The following TENM3 variants were observed in gnomAD, a reference collection of about 807,000 sequenced individuals.
The protein encoded by TENM3 is teneurin transmembrane protein 3, also known as teneurin-3.
A neutral mutation model predicts 255.1 loss-of-function variants in TENM3; 63 were observed. The ratio of observed to expected loss-of-function variants is 0.25; its 90% confidence interval spans 0.20 to 0.30. The LOEUF is 0.30. TENM3 is among the 10% of genes least tolerant of loss of function. The pLI is 1.00. For missense variants in TENM3, 2,929 were observed against 3,461.1 expected (o/e 0.85, Z 3.86); for synonymous variants, 1,306 against 1,322.3 (o/e 0.99, Z 0.27).
chr4:182,471,775 A>G (rs1009917216), intron 3 of TENM3, among the ~76,000 whole-genome samples: 1 of 152,182 alleles, frequency 6.6e-6, no homozygotes, highest in African/African-American at 2.4e-5. Context: ...TTTAAGCACT[A>G]TTCCTTAGGA....
the TENM3 span, among the ~76,000 whole-genome samples, chr4:182,075,366 T>C: frequency 1.3e-5 from 2 of 151,880 alleles, no homozygotes; most frequent in Admixed American, 6.6e-5. Flanking sequence ...ACCCTGCTAA[T>C]TTTTTGTATT....
the TENM3 span, among the ~76,000 whole-genome samples, chr4:181,616,281 CAAAAAAAAAAA>C: frequency 1.2e-5 from 1 of 84,062 alleles, no homozygotes. Context: ...TAAAGGTTTC[CAAAAAAAAAAA>C]AAAAAAAAAG....
At chr4:182,672,908 T>C in intron 6 of TENM3, 97 bp from the exon 7 acceptor site, 1 of 884,166 alleles carries the variant, frequency 1.1e-6, no homozygotes, top group East Asian at 2.7e-5. Context: ...GGCTTGAGCA[T>C]TTGGTAAAAA....
the TENM3 span, among the ~76,000 whole-genome samples, chr4:181,809,656 T>A: frequency 1.1e-3 from 164 of 152,340 alleles, no homozygotes; most frequent in Non-Finnish European, 1.9e-3. Context: ...GTCTGCGTCC[T>A]AATCCCCAGA....
chr4:181,850,537 A>G, the TENM3 span, among the ~76,000 whole-genome samples: 1 of 152,264 alleles, frequency 6.6e-6, no homozygotes, highest in South Asian at 2.1e-4. Flanking sequence ...GTACAGTAGT[A>G]CTTGTTATAT....
In TENM3 at chr4:182,743,263, T is replaced by C; in HGVS notation, c.3473T>C (p.Ile1158Thr). 6.2e-7 allele frequency: 1 copy of C among 1,614,032 alleles called. No homozygotes were observed. The highest frequency in any genetic ancestry group is 2.2e-5 in the East Asian group (1 of 44,884). The change falls in exon 19 of 28, where the codon ATT becomes ACT. Residue 1158 changes from isoleucine to threonine, a missense_variant. This residue lies in a region of TENM3 where 1,608 missense variants were observed against 1,884.4 expected (regional missense o/e 0.85). Transcript: ENST00000511685. Reference protein sequence around the residue: ...SIMGNGRRRSISCPSCNGQAD... With the variant: ...SIMGNGRRRSTSCPSCNGQAD... ...ATGGGCAATGGGCGAAGGCGCAGCA[T>C]TTCCTGCCCCAGTTGCAATGGTCAA...
the TENM3 span, among the ~76,000 whole-genome samples, chr4:181,690,515 T>G: frequency 1.3e-5 from 2 of 152,192 alleles, no homozygotes; most frequent in African/African-American, 2.4e-5. Context: ...ATAATTGTCT[T>G]TTCTGAGCAC....
At chr4:181,506,522 G>A in the TENM3 span, among the ~76,000 whole-genome samples, 1 of 152,084 alleles carries the variant, frequency 6.6e-6, no homozygotes, top group Admixed American at 6.5e-5. Flanking sequence ...TATTCATCAT[G>A]GAGAAGTCAA....
chr4:181,520,775 A>C, the TENM3 span, among the ~76,000 whole-genome samples: 1 of 152,214 alleles, frequency 6.6e-6, no homozygotes, highest in Non-Finnish European at 1.5e-5. Context: ...CACCAAATGC[A>C]GGCTTTGGTG....
chr4:182,455,986 G>A (rs1262514329), intron 3 of TENM3, among the ~76,000 whole-genome samples: 2 of 152,152 alleles, frequency 1.3e-5, no homozygotes, highest in Non-Finnish European at 2.9e-5. Flanking sequence ...CCCCACTAGG[G>A]GGACAGGTTC....
the TENM3 span, among the ~76,000 whole-genome samples, chr4:181,992,852 C>T: frequency 6.6e-6 from 1 of 152,020 alleles, no homozygotes; most frequent in Non-Finnish European, 1.5e-5. Flanking sequence ...TGCCTTTATA[C>T]CCAGAACTTC....
At chr4:182,544,959 G>A (rs1741285251) in intron 3 of TENM3, among the ~76,000 whole-genome samples, 3 of 152,116 alleles carry the variant, frequency 2.0e-5, no homozygotes, top group Admixed American at 1.3e-4. Context: ...ATCAATCAGC[G>A]CATCAAAATC....
chr4:181,968,457 A>G, the TENM3 span, among the ~76,000 whole-genome samples: 1 of 152,140 alleles, frequency 6.6e-6, no homozygotes, highest in Non-Finnish European at 1.5e-5. Flanking sequence ...CTTAATCCAC[A>G]ACTGCTCTGC....
At chr4:182,056,675 T>A in the TENM3 span, among the ~76,000 whole-genome samples, 1 of 152,196 alleles carries the variant, frequency 6.6e-6, no homozygotes, top group African/African-American at 2.4e-5. Flanking sequence ...CATGCCATGT[T>A]CTCTGAAAAC....
At chr4:181,850,548 C>A in the TENM3 span, among the ~76,000 whole-genome samples, 1 of 151,980 alleles carries the variant, frequency 6.6e-6, no homozygotes, top group African/African-American at 2.4e-5. Context: ...CTTGTTATAT[C>A]GAGAGGTTTT....
the TENM3 span, among the ~76,000 whole-genome samples, chr4:181,721,928 G>A: frequency 6.0e-3 from 911 of 152,236 alleles, 47 homozygotes; most frequent in Admixed American, 0.058. Flanking sequence ...AGTAGTGCCC[G>A]TGGGAGATGC....
the TENM3 span, among the ~76,000 whole-genome samples, chr4:181,861,757 T>C: frequency 6.6e-6 from 1 of 152,148 alleles, no homozygotes; most frequent in African/African-American, 2.4e-5. Context: ...ACCATGAAAA[T>C]ATTTCTTTTA....
intron 3 of TENM3, among the ~76,000 whole-genome samples, chr4:182,510,373 C>G (rs1028142115): frequency 3.9e-5 from 6 of 152,186 alleles, no homozygotes; most frequent in African/African-American, 1.4e-4. Flanking sequence ...AGACAAACCC[C>G]TTGGCTTTGG....
At chr4:181,900,389 T>C in the TENM3 span, among the ~76,000 whole-genome samples, 1 of 152,230 alleles carries the variant, frequency 6.6e-6, no homozygotes, top group African/African-American at 2.4e-5. Flanking sequence ...GCTCAAGATG[T>C]ATTAAAATAA....
Sources: gnomAD v4.1 joint callset for allele counts (sites outside exome capture counted in the v4.1 genomes callset) on GRCh38, gnomAD v4.1.1 for gene constraint, gnomAD v4.1.1 regional missense constraint, MANE v1.5 for transcripts, NCBI Gene and HGNC (gene_info 2026-07-23, HGNC 2026-07-21) for gene names.